Variants in SESN1 observed in about 807,000 individuals in gnomAD.
SESN1 encodes sestrin-1.
A neutral mutation model predicts 59.3 loss-of-function variants in SESN1; 30 were observed. That is an observed-to-expected ratio of 0.51 (90% CI 0.38 to 0.69). The LOEUF (loss-of-function observed/expected upper bound fraction) is 0.69, where lower values mean the gene tolerates loss of function less well. Among genes scored for constraint, SESN1 ranks in the 30% least tolerant of loss-of-function variants. The pLI, the probability that SESN1 is intolerant of heterozygous loss-of-function variation, is 0.00. For missense variants in SESN1, 566 were observed against 673.0 expected, an observed-to-expected ratio of 0.84 and a Z score of 1.76; for synonymous variants, 197 against 219.9, an observed-to-expected ratio of 0.90 and a Z score of 0.92.
chr6:109,068,030 C>T (rs1443496251), intron 1 of SESN1, among the ~76,000 whole-genome samples: 9 of 152,190 alleles, frequency 5.9e-5, no homozygotes, highest in Non-Finnish European at 1.3e-4. Flanking sequence ...TCCTGTTAGG[C>T]AGGCAGGCTT....
intron 1 of SESN1, among the ~76,000 whole-genome samples, chr6:109,038,981 G>A (rs530141815): frequency 1.3e-3 from 197 of 147,766 alleles, no homozygotes; most frequent in African/African-American, 4.6e-3. Flanking sequence ...AAAAGAAAAA[G>A]AAGAAGGAGG....
At chr6:109,024,442 T>G (rs1271365002) in intron 1 of SESN1, among the ~76,000 whole-genome samples, 1 of 152,168 alleles carries the variant, frequency 6.6e-6, no homozygotes, top group Non-Finnish European at 1.5e-5. Flanking sequence ...AATGGTCCTA[T>G]AAGCCTTAAA....
At chr6:109,054,496 A>C (rs1780596461) in intron 1 of SESN1, among the ~76,000 whole-genome samples, 1 of 152,216 alleles carries the variant, frequency 6.6e-6, no homozygotes, top group Non-Finnish European at 1.5e-5. Flanking sequence ...AGATAAAATT[A>C]TGTTACACCA....
At chr6:109,008,108 G>A (rs1779771218) in intron 1 of SESN1, among the ~76,000 whole-genome samples, 1 of 152,144 alleles carries the variant, frequency 6.6e-6, no homozygotes, top group African/African-American at 2.4e-5. Context: ...CATAAGCGCT[G>A]TAACAATATG....
Position 109,000,663 on chromosome 6 carries a change from C to CTCCTTAAAACAAAAAGGAGCAGCCTTT in SESN1, c.556_557insAAAGGCTGCTCCTTTTTGTTTTAAGGA (p.Ala185_Arg186insLysArgLeuLeuLeuPheValLeuArg). Reference sequence around the variant, plus strand: ...GTTCACTAAGTAGGAGCACTGATGTCTTGCCGCAGCCTTAAAACAAAAAGA... The same window carrying CTCCTTAAAACAAAAAGGAGCAGCCTTT: ...GTTCACTAAGTAGGAGCACTGATGTCTCCTTAAAACAAAAAGGAGCAGCCTTTTTGCCGCAGCCTTAAAACAAAAAGA... On this transcript the variant is annotated inframe_insertion, in exon 4 of 10. Coordinates refer to ENST00000436639, the MANE Select transcript of SESN1 (RefSeq NM_014454.3). 6.3e-7 allele frequency: 1 copy of CTCCTTAAAACAAAAAGGAGCAGCCTTT among 1,583,538 alleles called. No individual in the cohort carries two copies. Among genetic ancestry groups the CTCCTTAAAACAAAAAGGAGCAGCCTTT allele is most frequent in the Non-Finnish European group, 8.6e-7 (1 of 1,165,062 alleles).
chr6:109,046,528 C>G (rs948176549), intron 1 of SESN1, among the ~76,000 whole-genome samples: 2 of 147,078 alleles, frequency 1.4e-5, no homozygotes, highest in Non-Finnish European at 3.0e-5. Flanking sequence ...TGAGGAGTGT[C>G]TCTGCCTGGC....
In SESN1 at chr6:109,067,740, T is replaced by C. The variant is rs114625170; in HGVS notation, c.279+26055A>G. ...GCCCCAAGTACTATTCTTTTCACAG[T>C]CTCAATCCACTCATCAAAATGTCTT... On this transcript the variant is annotated intron_variant, in intron 1 of 9. Coordinates refer to ENST00000436639, the MANE Select transcript of SESN1 (RefSeq NM_014454.3). Among the ~76,000 whole-genome samples the C allele has an allele frequency of 7.8e-3, 1,190 of 152,306 alleles. 20 individuals are homozygous for C. Among genetic ancestry groups the C allele is most frequent in the African/African-American group, 0.027 (1,140 of 41,576 alleles).
At position 109,069,241 on chromosome 6, in the gene SESN1, A is replaced by G. The variant is rs549752949; in HGVS notation, c.279+24554T>C. On this transcript the variant is annotated intron_variant, in intron 1 of 9. Coordinates refer to ENST00000436639, the MANE Select transcript of SESN1 (RefSeq NM_014454.3). ...TGGCATTTTCCATACTATTTTTTGA[A>G]CTATTTGATAGGTTTAAAAAAAAAG... 2.0e-5 allele frequency among the ~76,000 whole-genome samples: 3 copies of G among 152,146 alleles called. No homozygotes were observed. In the East Asian group the frequency reaches 5.8e-4, roughly 29 times the overall value.
chr6:109,064,192 C>CT (rs929198429), intron 1 of SESN1, among the ~76,000 whole-genome samples: 1 of 151,982 alleles, frequency 6.6e-6, no homozygotes, highest in Admixed American at 6.5e-5. Flanking sequence ...CCACTGCCCC[C>CT]TTTTTTTCCT....
At chr6:109,014,048 C>T (rs995396190) in intron 1 of SESN1, among the ~76,000 whole-genome samples, 3 of 150,910 alleles carry the variant, frequency 2.0e-5, no homozygotes, top group Non-Finnish European at 4.4e-5. Context: ...AATTATATCA[C>T]TTTAAAGGAG....
Position 108,990,772 on chromosome 6 carries a change from A to G in SESN1, c.1297T>C (p.Leu433=). 1.2e-6 allele frequency: 2 copies of G among 1,614,142 alleles called. No individual in the cohort carries two copies. The highest frequency in any genetic ancestry group is 1.7e-6 in the Non-Finnish European group (2 of 1,180,018). Residue 433 remains leucine, a synonymous_variant, in exon 8 of 10, where the codon TTG becomes CTG. Coordinates refer to ENST00000436639, the MANE Select transcript of SESN1 (RefSeq NM_014454.3). ...GCAATGTGAAATTTTTCATCAATCAACTGTCCCACATCTGGATAAAGGCGA... is the reference window on the plus strand; with the variant it reads ...GCAATGTGAAATTTTTCATCAATCAGCTGTCCCACATCTGGATAAAGGCGA... The part of the protein sequence containing the change: ...VNRLYPDVGQ[L]IDEKFHIAYN...
chr6:109,009,264 G>A (rs1364155386), intron 1 of SESN1: 3 of 1,145,312 alleles, frequency 2.6e-6, no homozygotes, highest in African/African-American at 3.3e-5. Flanking sequence ...GCGACTGTGA[G>A]GAGGCAACGT....
intron 1 of SESN1, among the ~76,000 whole-genome samples, chr6:109,051,436 T>C (rs958083296): frequency 1.3e-5 from 2 of 152,204 alleles, no homozygotes; most frequent in African/African-American, 4.8e-5. Context: ...TGAGTAATAC[T>C]ATATGAATGG....
chr6:109,059,211 T>A (rs1780690351), intron 1 of SESN1, among the ~76,000 whole-genome samples: 2 of 152,158 alleles, frequency 1.3e-5, no homozygotes. Context: ...CTTTGAGATG[T>A]AAAAAACAGT....
At chr6:109,040,588 C>T (rs751354897) in intron 1 of SESN1, among the ~76,000 whole-genome samples, 5 of 151,650 alleles carry the variant, frequency 3.3e-5, no homozygotes, top group African/African-American at 9.7e-5. Context: ...TTCTTGGTGT[C>T]GCTTCCCTGA....
intron 1 of SESN1, among the ~76,000 whole-genome samples, chr6:109,023,554 G>A (rs1780042875): frequency 6.6e-6 from 1 of 152,140 alleles, no homozygotes; most frequent in African/African-American, 2.4e-5. Flanking sequence ...TTTGGTCTAT[G>A]TTAAGAGTAC....
chr6:109,078,586 C>T (rs753103729), intron 1 of SESN1, among the ~76,000 whole-genome samples: 3 of 152,088 alleles, frequency 2.0e-5, no homozygotes, highest in Non-Finnish European at 2.9e-5. Context: ...CACTGTCCCA[C>T]CAACAGCTGC....
rs1329554274 is a variant in SESN1, at chr6:109,002,270, C to T, written c.345+8G>A. The T allele has an allele frequency of 7.4e-6, 12 of 1,612,210 alleles. No homozygotes were observed. In the Admixed American group the frequency reaches 1.8e-4, roughly 25 times the overall value. On this transcript the variant is annotated splice_region_variant and intron_variant, in intron 2 of 9. Transcript: ENST00000436639. ...ACAGTTCACTATGTACTTTCACAAA[C>T]AACGTACCTCCTTTTCTGGGATGAA...
intron 1 of SESN1, among the ~76,000 whole-genome samples, chr6:109,062,056 A>G (rs931754507): frequency 6.6e-6 from 1 of 152,072 alleles, no homozygotes; most frequent in Non-Finnish European, 1.5e-5. Context: ...ACAGGGTCTT[A>G]CTCTGTCACC....
Sources: allele counts gnomAD v4.1 joint callset (sites outside exome capture counted in the v4.1 genomes callset), GRCh38; gene constraint gnomAD v4.1.1; transcripts MANE v1.5; gene names NCBI Gene and HGNC (gene_info 2026-07-23, HGNC 2026-07-21).